The following WNT9B variants were observed in gnomAD, a reference collection of about 807,000 sequenced individuals.
WNT9B encodes protein Wnt-9b.
Under a neutral mutation model 30.2 loss-of-function variants are expected in WNT9B, and 12 were observed. The observed-to-expected ratio is 0.40, with a 90% CI of 0.26 to 0.64. WNT9B has a LOEUF of 0.64. WNT9B is among the 30% of genes least tolerant of loss of function. The pLI, the probability that WNT9B is intolerant of heterozygous loss-of-function variation, is 0.42. For synonymous variants in WNT9B, 218 were observed against 216.9 expected (o/e 1.01, Z -0.05); for missense variants, 442 against 485.2 (o/e 0.91, Z 0.84).
Position 46,877,767 on chromosome 17 carries a change from T to C in WNT9B, c.*1049T>C, listed in dbSNP as rs1337857244. ...TGAAGAACAGCTGGCTCACGAGCTA[T>C]GACTTGAAGTTACATTTCTATTCTT... On this transcript the variant is annotated 3_prime_UTR_variant, in exon 4 of 4. Transcript: ENST00000290015. 6.6e-6 allele frequency among the ~76,000 whole-genome samples: 1 copy of C among 152,228 alleles called. No homozygotes were observed. The highest frequency in any genetic ancestry group is 2.4e-5 in the African/African-American group (1 of 41,462).
Position 46,851,745 on chromosome 17 carries a change from C to G in WNT9B, c.77+30C>G, listed in dbSNP as rs1316667376. 19 of 1,177,650 alleles carry G rather than the reference C, an allele frequency of 1.6e-5. No individual in the cohort carries two copies. The East Asian group carries it at 3.5e-4, about 22-fold the overall frequency. 73.0% of individuals were successfully genotyped at this position (1,177,650 alleles called of 1,614,324 possible). A position where few individuals can be genotyped will look rare whatever the true frequency, so the allele number is the denominator to read the frequency against. ...GTGCCCGCCGCGCCCCCCGCCCGCT[C>G]CCCGGCCTGCCTGTCTCTCCCTCCT... On this transcript the variant is annotated intron_variant, in intron 1 of 3. Transcript: ENST00000290015. The surrounding 1 kb of genome is among the most constrained non-coding windows in gnomAD (Gnocchi z 4.3).
At position 46,860,623 on chromosome 17, in the gene WNT9B, T is replaced by C. The variant is rs946414771; in HGVS notation, c.77+8908T>C. ...TATATATAGGTATTCAAATGCTATCTCTATATAAGGATTCCAAGAAATCTA... is the reference window on the plus strand; with the variant it reads ...TATATATAGGTATTCAAATGCTATCCCTATATAAGGATTCCAAGAAATCTA... On this transcript the variant is annotated intron_variant, in intron 1 of 3. Transcript: ENST00000290015. Among the ~76,000 whole-genome samples the C allele has an allele frequency of 3.3e-5, 5 of 152,346 alleles. No individual in the cohort carries two copies. The South Asian group carries it at 1.0e-3, about 32-fold the overall frequency.
rs2085405316 is a variant in WNT9B, at chr17:46,880,189, G to T, written c.*3471G>T. 6.6e-6 allele frequency among the ~76,000 whole-genome samples: 1 copy of T among 152,156 alleles called. No homozygotes were observed. Among genetic ancestry groups the T allele is most frequent in the Non-Finnish European group, 1.5e-5 (1 of 68,024 alleles). ...GGATGCCCCTGCCTGCCTCTCATGA[G>T]CACATAGTCCTGTCCCCTGGTCTAG... On this transcript the variant is annotated 3_prime_UTR_variant, in exon 4 of 4. Transcript: ENST00000290015.
At chr17:46,851,251 T>A (rs941539694), upstream of WNT9B, among the ~76,000 whole-genome samples, 4 of 151,186 alleles carry the variant, frequency 2.6e-5, no homozygotes, top group Non-Finnish European at 4.4e-5. This position sits in a 1 kb window ranked among gnomAD's most constrained non-coding sequence, Gnocchi z 4.3. Flanking sequence ...CTCCGCCCCA[T>A]CCCGGAGAGG....
intron 1 of WNT9B, among the ~76,000 whole-genome samples, chr17:46,839,926 T>TTC (rs1447238891): frequency 1.6e-5 from 2 of 126,298 alleles, no homozygotes; most frequent in Non-Finnish European, 3.5e-5. Context: ...CTTTCTTTCT[T>TTC]TCTTTCTTTC....
intron 1 of WNT9B, among the ~76,000 whole-genome samples, chr17:46,841,392 T>A (rs2084711388): frequency 6.6e-6 from 1 of 152,114 alleles, no homozygotes. Context: ...AGAAGGAAAG[T>A]CATGCATCGA....
intron 2 of WNT9B, among the ~76,000 whole-genome samples, chr17:46,873,202 G>C (rs919708520): frequency 3.3e-5 from 5 of 151,916 alleles, no homozygotes; most frequent in Non-Finnish European, 2.9e-5. Context: ...CGAGCCAGGC[G>C]ATGCATTTGT....
At chr17:46,867,018 T>G (rs1441725359) in intron 1 of WNT9B, among the ~76,000 whole-genome samples, 1 of 152,200 alleles carries the variant, frequency 6.6e-6, no homozygotes, top group East Asian at 1.9e-4. Flanking sequence ...CTGGTCAAGA[T>G]CAAGTTCTCA....
rs567835399 is a variant in WNT9B at position 46,879,189 on chromosome 17, A to G, written c.*2471A>G. 1.1e-4 allele frequency among the ~76,000 whole-genome samples: 17 copies of G among 152,364 alleles called. No homozygotes were observed. The highest frequency in any genetic ancestry group is 4.1e-4 in the African/African-American group (17 of 41,590). On this transcript the variant is annotated 3_prime_UTR_variant, in exon 4 of 4. Coordinates refer to ENST00000290015, the MANE Select transcript of WNT9B (RefSeq NM_003396.3). ...AGTTGCTATATTTCACAGACAGCAC[A>G]GGTGGGGTTTGTGTATTTTCCCGGA...
upstream of WNT9B, chr17:46,851,476 C>CG: frequency 3.0e-6 from 1 of 328,562 alleles, no homozygotes; most frequent in Non-Finnish European, 5.4e-6. This position sits in a 1 kb window ranked among gnomAD's most constrained non-coding sequence, Gnocchi z 4.3. Context: ...GCCAATGGGG[C>CG]GGGGGGCTCG....
chr17:46,837,403 T>C (rs906490090), intron 1 of WNT9B, among the ~76,000 whole-genome samples: 1 of 152,102 alleles, frequency 6.6e-6, no homozygotes, highest in Non-Finnish European at 1.5e-5. Context: ...GGGAGAATAT[T>C]TGGGGGACTG....
intron 1 of WNT9B, among the ~76,000 whole-genome samples, chr17:46,840,398 C>T (rs567522683): frequency 1.3e-5 from 2 of 152,332 alleles, no homozygotes; most frequent in Non-Finnish European, 2.9e-5. Context: ...TTTTCTTAAT[C>T]CAGTCTATCA....
intron 1 of WNT9B, among the ~76,000 whole-genome samples, chr17:46,839,975 TC>T (rs2084687359): frequency 3.6e-5 from 5 of 138,674 alleles, no homozygotes; most frequent in African/African-American, 1.4e-4. Flanking sequence ...TTTCTTTCTT[TC>T]TCTTCTTTCT....
At chr17:46,857,736 A>C (rs1433230545) in intron 1 of WNT9B, among the ~76,000 whole-genome samples, 3 of 152,192 alleles carry the variant, frequency 2.0e-5, no homozygotes, top group Non-Finnish European at 2.9e-5. Context: ...ATGGTCAGCT[A>C]TCATCAGTTT....
chr17:46,864,190 G>A (rs528612956), intron 1 of WNT9B, among the ~76,000 whole-genome samples: 5 of 152,280 alleles, frequency 3.3e-5, no homozygotes, highest in African/African-American at 7.2e-5. Context: ...TGGTCAATGC[G>A]TCATGGTTAA....
rs1324517501 is a variant in WNT9B, at chr17:46,867,953, C to T, written c.78-4564C>T. Among the ~76,000 whole-genome samples the T allele has an allele frequency of 2.0e-5, 3 of 152,032 alleles. No individual in the cohort carries two copies. The East Asian group carries it at 5.8e-4, about 29-fold the overall frequency. ...CACCAAGGACCATGGGGTGAAGGTG[C>T]AGAGAACAGAAGGGCACAGACTGGG... On this transcript the variant is annotated intron_variant, in intron 1 of 3. Coordinates refer to ENST00000290015, the MANE Select transcript of WNT9B (RefSeq NM_003396.3).
chr17:46,868,495 C>T (rs2085180414), intron 1 of WNT9B, among the ~76,000 whole-genome samples: 1 of 152,092 alleles, frequency 6.6e-6, no homozygotes, highest in African/African-American at 2.4e-5. Flanking sequence ...ACTCGGGAGG[C>T]TGAGGTAGGA....
intron 1 of WNT9B, among the ~76,000 whole-genome samples, chr17:46,841,891 C>T (rs11867616): frequency 0.053 from 8,023 of 152,280 alleles, 696 homozygotes; most frequent in African/African-American, 0.18. Flanking sequence ...CGCTCCTCTG[C>T]GGTGTGTGGG....
intron 1 of WNT9B, among the ~76,000 whole-genome samples, chr17:46,839,774 G>A (rs944304118): frequency 3.3e-5 from 5 of 152,074 alleles, no homozygotes; most frequent in Non-Finnish European, 5.9e-5. Context: ...AGAACATGCA[G>A]TGTTTGGTTT....
Sources: allele counts gnomAD v4.1 joint callset (sites outside exome capture counted in the v4.1 genomes callset), GRCh38; gene constraint gnomAD v4.1.1; non-coding constraint Gnocchi (gnomAD v3.1); transcripts MANE v1.5; gene names NCBI Gene and HGNC (gene_info 2026-07-23, HGNC 2026-07-21).